PACSIN2: variants seen among roughly 807,000 people sequenced by gnomAD.
The protein encoded by PACSIN2 is protein kinase C and casein kinase substrate in neurons 2, also known as protein kinase C and casein kinase substrate in neurons protein 2.
Under a neutral mutation model 63.8 loss-of-function variants are expected in PACSIN2, and 25 were observed. That is an observed-to-expected ratio of 0.39 (90% CI 0.29 to 0.55). The LOEUF (loss-of-function observed/expected upper bound fraction) is 0.55. PACSIN2 is among the 20% of genes least tolerant of loss of function. The pLI is 0.62. For missense variants in PACSIN2, 518 were observed against 646.9 expected (o/e 0.80, Z 2.16); for synonymous variants, 255 against 256.2 (o/e 1.00, Z 0.05).
chr22:42,873,827 TC>T (rs1470877532), intron 10 of PACSIN2, among the ~76,000 whole-genome samples: 1 of 150,442 alleles, frequency 6.6e-6, no homozygotes, highest in Non-Finnish European at 1.5e-5. Flanking sequence ...AGAGTGTCAC[TC>T]CATCACCCAG....
chr22:42,971,387 C>T (rs1017378580), intron 1 of PACSIN2, among the ~76,000 whole-genome samples: 12 of 152,220 alleles, frequency 7.9e-5, no homozygotes, highest in African/African-American at 2.9e-4. Context: ...TCACTCAGTG[C>T]TCTATGTTGC....
intron 1 of PACSIN2, among the ~76,000 whole-genome samples, chr22:42,979,394 G>T (rs967147523): frequency 7.2e-5 from 11 of 151,734 alleles, no homozygotes; most frequent in Non-Finnish European, 1.5e-4. Flanking sequence ...CGTGGTAGCA[G>T]GCGTCTGTAA....
At chr22:42,922,014 C>A (rs1932229498) in intron 1 of PACSIN2, among the ~76,000 whole-genome samples, 1 of 152,238 alleles carries the variant, frequency 6.6e-6, no homozygotes, top group African/African-American at 2.4e-5. Flanking sequence ...GCTGGGATTA[C>A]AGGTGTGAGC....
intron 1 of PACSIN2, among the ~76,000 whole-genome samples, chr22:42,973,179 A>G (rs939448969): frequency 2.6e-5 from 4 of 152,250 alleles, no homozygotes; most frequent in Non-Finnish European, 5.9e-5. Flanking sequence ...TTACTGAAAG[A>G]TAAGGAGAGA....
intron 1 of PACSIN2, among the ~76,000 whole-genome samples, chr22:42,957,577 G>A (rs1277799205): frequency 6.6e-6 from 1 of 152,064 alleles, no homozygotes; most frequent in Non-Finnish European, 1.5e-5. Flanking sequence ...TAATGATTCT[G>A]GAAAATTGTG....
In PACSIN2 at chr22:42,877,010, G is replaced by C; in HGVS notation, c.1029C>G (p.Ser343Arg). The C allele has an allele frequency of 6.2e-7, 1 of 1,614,094 alleles. No homozygotes were observed. The highest frequency in any genetic ancestry group is 2.2e-5 in the East Asian group (1 of 44,878). Residue 343 changes from serine to arginine, a missense_variant and splice_region_variant, in exon 9 of 11, where the codon AGC becomes AGG. Ser to Arg is a moderately radical substitution (Grantham distance 110). This residue lies in a region of PACSIN2 where 507 missense variants were observed against 612.3 expected (regional missense o/e 0.83). Transcript: ENST00000263246. Reference sequence around the variant, plus strand: ...CGGGGTTGCTCGGGACATTAAGGGTGCTATGGAGAGAGAGAGCTTTCAGGG... The same window carrying C: ...CGGGGTTGCTCGGGACATTAAGGGTCCTATGGAGAGAGAGAGCTTTCAGGG... ...GDQSLPSKPS[S>R]TLNVPSNPAQ... is the part of the protein sequence containing the mutation.
chr22:42,918,162 A>G (rs1396117841), intron 1 of PACSIN2, among the ~76,000 whole-genome samples: 1 of 152,196 alleles, frequency 6.6e-6, no homozygotes, highest in Non-Finnish European at 1.5e-5. Context: ...CCAGCTGCAC[A>G]CCAGGGCCAC....
At chr22:42,904,252 G>A (rs903139486) in intron 2 of PACSIN2, among the ~76,000 whole-genome samples, 15 of 152,178 alleles carry the variant, frequency 9.9e-5, no homozygotes, top group Admixed American at 9.2e-4. Flanking sequence ...AAGGCCCCGC[G>A]ACACCCTACA....
Position 42,894,027 on chromosome 22 carries a change from G to C in PACSIN2, c.61-414C>G, listed in dbSNP as rs17003406. On this transcript the variant is annotated intron_variant, in intron 2 of 10. Transcript: ENST00000263246. ...CTTTGATGTCATCCATCATGTGCTG[G>C]GTTATTACTTCCCAATCATAGCTGT... Among the ~76,000 whole-genome samples the C allele has an allele frequency of 4.4e-3, 670 of 152,146 alleles. 6 individuals are homozygous for C. Among genetic ancestry groups the C allele is most frequent in the African/African-American group, 0.016 (657 of 41,484 alleles).
At chr22:42,967,031 T>C (rs183633303) in intron 1 of PACSIN2, among the ~76,000 whole-genome samples, 2 of 152,318 alleles carry the variant, frequency 1.3e-5, no homozygotes, top group Admixed American at 1.3e-4. Context: ...TAAACGAACT[T>C]GTCCGTAAGC....
In PACSIN2 at chr22:42,871,337, G is replaced by A. The variant is rs368848384; in HGVS notation, c.*20C>T. On this transcript the variant is annotated 3_prime_UTR_variant, in exon 11 of 11. Transcript: ENST00000263246. The surrounding 1 kb of genome is among the most constrained non-coding windows in gnomAD (Gnocchi z 5.4). ...CTGGGCCCGCCGCCTCCGTCCCCCC[G>A]CTGGCCTGTCCCCGACTCATCACTG... 69 of 1,499,572 alleles carry A rather than the reference G, an allele frequency of 4.6e-5. No individual in the cohort carries two copies. The highest frequency in any genetic ancestry group is 5.8e-5 in the Non-Finnish European group (63 of 1,077,836). 92.9% of individuals were successfully genotyped at this position (1,499,572 alleles called of 1,614,324 possible).
chr22:42,979,511 A>T (rs1287382740), intron 1 of PACSIN2, among the ~76,000 whole-genome samples: 2 of 143,122 alleles, frequency 1.4e-5, no homozygotes, highest in Non-Finnish European at 3.0e-5. Flanking sequence ...GCAACAAAGC[A>T]AGACTCCCTC....
intron 1 of PACSIN2, among the ~76,000 whole-genome samples, chr22:42,965,216 C>T (rs538148692): frequency 1.4e-4 from 22 of 152,180 alleles, no homozygotes; most frequent in African/African-American, 3.6e-4. Flanking sequence ...GGATGAAATT[C>T]GAAACCAAGC....
At chr22:43,011,772 G>A (rs910103104) in intron 1 of PACSIN2, among the ~76,000 whole-genome samples, 4 of 152,116 alleles carry the variant, frequency 2.6e-5, no homozygotes, top group Non-Finnish European at 2.9e-5. Context: ...AGCACTTTGG[G>A]AAGCTGAGGT....
At chr22:43,004,651 G>A (rs1923976864) in intron 1 of PACSIN2, among the ~76,000 whole-genome samples, 1 of 152,188 alleles carries the variant, frequency 6.6e-6, no homozygotes, top group South Asian at 2.1e-4. Context: ...AAAGACAAAT[G>A]CAGTTTAAAA....
chr22:42,898,257 AAG>A (rs1428297228), intron 2 of PACSIN2, among the ~76,000 whole-genome samples: 1 of 150,260 alleles, frequency 6.7e-6, no homozygotes, highest in Admixed American at 6.7e-5. Flanking sequence ...CACCTTGGGA[AAG>A]AGAACCTCCT....
intron 2 of PACSIN2, among the ~76,000 whole-genome samples, chr22:42,904,035 C>G (rs1930887790): frequency 6.6e-6 from 1 of 152,110 alleles, no homozygotes; most frequent in South Asian, 2.1e-4. Flanking sequence ...CTGAAATGTT[C>G]AAAATGACAA....
rs549755033 is a variant in PACSIN2, at chr22:42,929,865, T to G, written c.-77-17708A>C. On this transcript the variant is annotated intron_variant, in intron 1 of 10. Coordinates refer to ENST00000263246, the MANE Select transcript of PACSIN2 (RefSeq NM_001184970.3). ...AAGATCAAGATCAGATGCCACCTCTTTCATAAAGACTTCCTTTATTCCCAA... is the reference window on the plus strand; with the variant it reads ...AAGATCAAGATCAGATGCCACCTCTGTCATAAAGACTTCCTTTATTCCCAA... Among the ~76,000 whole-genome samples the G allele has an allele frequency of 3.9e-5, 6 of 152,282 alleles. No individual in the cohort carries two copies. In the East Asian group the frequency reaches 1.2e-3, roughly 29 times the overall value.
At chr22:42,992,906 G>A (rs1164320291) in intron 1 of PACSIN2, among the ~76,000 whole-genome samples, 1 of 152,242 alleles carries the variant, frequency 6.6e-6, no homozygotes, top group Non-Finnish European at 1.5e-5. Flanking sequence ...GCTCACACCT[G>A]TAATCCTAGC....
Sources: allele counts gnomAD v4.1 joint callset (sites outside exome capture counted in the v4.1 genomes callset), GRCh38; gene constraint gnomAD v4.1.1; regional missense constraint gnomAD v4.1.1; non-coding constraint Gnocchi (gnomAD v3.1); transcripts MANE v1.5; gene names NCBI Gene and HGNC (gene_info 2026-07-23, HGNC 2026-07-21).